EPB41L4A: variants seen among roughly 807,000 people sequenced by gnomAD.
EPB41L4A encodes the protein band 4.1-like protein 4A.
In EPB41L4A, 100 loss-of-function variants were observed where a neutral mutation model predicts 108.6. The observed-to-expected ratio is 0.92, with a 90% CI of 0.78 to 1.09. The LOEUF is 1.09. Among genes scored for constraint, EPB41L4A ranks in the 50% least tolerant of loss-of-function variants. The pLI, the probability that EPB41L4A is intolerant of heterozygous loss-of-function variation, is 0.00. For missense variants in EPB41L4A, 1,030 were observed against 842.7 expected, an observed-to-expected ratio of 1.22 and a Z score of -2.75; for synonymous variants, 319 against 289.0, an observed-to-expected ratio of 1.10 and a Z score of -1.05.
chr5:112,224,261 A>G lies in EPB41L4A; in HGVS notation c.1087+10373T>C, dbSNP rs527581202. Among the ~76,000 whole-genome samples, 36 of 152,218 alleles carry G rather than the reference A, an allele frequency of 2.4e-4. No homozygotes were observed. The South Asian group carries it at 7.1e-3, about 30-fold the overall frequency. On this transcript the variant is annotated intron_variant, in intron 12 of 22. Coordinates refer to ENST00000261486, the MANE Select transcript of EPB41L4A (RefSeq NM_022140.5). ...CACCGCATCCAGCCTGAGATGTTTT[A>G]AAGAATTGGCTAGAAGGTTTTTCCA...
chr5:112,204,326 A>G (rs1580426430), intron 15 of EPB41L4A, 49 bp downstream of exon 15: 1 of 1,310,212 alleles, frequency 7.6e-7, no homozygotes, highest in Non-Finnish European at 1.1e-6. Context: ...GGCCTGGGAC[A>G]AAATGCTTCT....
chr5:112,406,603 A>G lies in EPB41L4A; in HGVS notation c.99+12338T>C, dbSNP rs539940462. ...TGCTAAGGTCATAGGAACAGACCAG[A>G]GGCCTGAGATGGCTTAATTTAAGGG... On this transcript the variant is annotated intron_variant, in intron 1 of 22. Coordinates refer to ENST00000261486, the MANE Select transcript of EPB41L4A (RefSeq NM_022140.5). Among the ~76,000 whole-genome samples, 20 of 152,238 alleles carry G rather than the reference A, an allele frequency of 1.3e-4. No homozygotes were observed. In the South Asian group the frequency reaches 3.9e-3, roughly 30 times the overall value.
At chr5:112,271,079 G>C (rs530365480) in intron 4 of EPB41L4A, among the ~76,000 whole-genome samples, 12 of 152,268 alleles carry the variant, frequency 7.9e-5, no homozygotes, top group African/African-American at 2.6e-4. Flanking sequence ...GGTCACCACT[G>C]AAACTCCTTT....
intron 1 of EPB41L4A, among the ~76,000 whole-genome samples, chr5:112,338,090 C>T (rs1032395429): frequency 1.3e-5 from 2 of 152,128 alleles, no homozygotes; most frequent in Admixed American, 6.5e-5. Flanking sequence ...CTCCAAAATG[C>T]CATGTGTCAC....
Position 112,286,603 on chromosome 5 carries a change from G to A in EPB41L4A, c.205-6280C>T, listed in dbSNP as rs577486284. Among the ~76,000 whole-genome samples, 4 of 152,234 alleles carry A rather than the reference G, an allele frequency of 2.6e-5. No individual in the cohort carries two copies. In the East Asian group the frequency reaches 5.8e-4, roughly 22 times the overall value. On this transcript the variant is annotated intron_variant, in intron 2 of 22. Transcript: ENST00000261486. ...CCCGTCGACCAACCTGCTTGCATCTGAGCTTGTGTTCTGCCTTCTCTCCTG... is the reference window on the plus strand; with the variant it reads ...CCCGTCGACCAACCTGCTTGCATCTAAGCTTGTGTTCTGCCTTCTCTCCTG...
intron 18 of EPB41L4A, among the ~76,000 whole-genome samples, chr5:112,181,404 AC>A (rs1761146665): frequency 6.6e-6 from 1 of 152,016 alleles, no homozygotes; most frequent in Non-Finnish European, 1.5e-5. Flanking sequence ...GTGAGCCGAG[AC>A]TGGCCACTGC....
Position 112,362,052 on chromosome 5 carries a change from T to C in EPB41L4A, c.100-54562A>G, listed in dbSNP as rs77381237. 4.7e-3 allele frequency among the ~76,000 whole-genome samples: 720 copies of C among 152,304 alleles called. 1 individual carries two copies. The highest frequency in any genetic ancestry group is 6.8e-3 in the Non-Finnish European group (461 of 68,016). ...TACCAACCAAAGGGCTAGTCTACCA[T>C]TAGACAAAGGATCCCATTTTAAGTA... On this transcript the variant is annotated intron_variant, in intron 1 of 22. Coordinates refer to ENST00000261486, the MANE Select transcript of EPB41L4A (RefSeq NM_022140.5).
intron 1 of EPB41L4A, among the ~76,000 whole-genome samples, chr5:112,338,274 A>C (rs7720546): frequency 6.6e-6 from 1 of 151,990 alleles, no homozygotes. Flanking sequence ...TTCCCATAGC[A>C]GATCAGCTTC....
In EPB41L4A at chr5:112,204,437, G is replaced by A. The variant is rs985593685; in HGVS notation, c.1314C>T (p.Tyr438=). ...CACAGGAGGGGTTTCGGCGACGCGT[G>A]TAAGGGAACTTTGGCGACTTAGTGC... ...SDRTKSPKFP[Y]TRRRNPSCGS... is the part of the protein sequence containing the mutation. The change falls in exon 15 of 23, where the codon TAC becomes TAT. Residue 438 remains tyrosine, a synonymous_variant. Transcript: ENST00000261486. 1.9e-6 allele frequency: 3 copies of A among 1,614,016 alleles called. No individual in the cohort carries two copies. The highest frequency in any genetic ancestry group is 2.7e-5 in the African/African-American group (2 of 75,026).
At chr5:112,271,222 T>A (rs1037047727) in intron 4 of EPB41L4A, among the ~76,000 whole-genome samples, 1 of 152,192 alleles carries the variant, frequency 6.6e-6, no homozygotes, top group Non-Finnish European at 1.5e-5. Context: ...AATCAGCACC[T>A]ACAATAAGAA....
intron 1 of EPB41L4A, among the ~76,000 whole-genome samples, chr5:112,342,711 C>A (rs1024295659): frequency 6.6e-6 from 1 of 152,180 alleles, no homozygotes; most frequent in Non-Finnish European, 1.5e-5. Context: ...AAGGGGTGGA[C>A]TTCATAAGAG....
intron 1 of EPB41L4A, among the ~76,000 whole-genome samples, chr5:112,347,971 A>G (rs1458314675): frequency 2.0e-5 from 3 of 152,152 alleles, no homozygotes; most frequent in Non-Finnish European, 4.4e-5. Flanking sequence ...AAGGCTCCCT[A>G]CTGCTTACCA....
At chr5:112,392,906 C>T (rs1453345727) in intron 1 of EPB41L4A, 1 of 152,182 alleles carries the variant, frequency 6.6e-6, no homozygotes, top group South Asian at 2.1e-4. Flanking sequence ...GACAGCAGTG[C>T]AATCAAATTA....
chr5:112,161,637 G>A (rs1204796909), downstream of EPB41L4A: 1 of 518,882 alleles, frequency 1.9e-6, no homozygotes, highest in South Asian at 1.4e-5. Flanking sequence ...ACGTTTCCAC[G>A]CGTGATCTTG....
At chr5:112,280,671 G>T (rs1162236864) in intron 2 of EPB41L4A, among the ~76,000 whole-genome samples, 1 of 152,180 alleles carries the variant, frequency 6.6e-6, no homozygotes, top group African/African-American at 2.4e-5. Context: ...GAAAGATGAT[G>T]CTGACGTTGG....
At chr5:112,277,174 C>A (rs1681996466) in intron 3 of EPB41L4A, among the ~76,000 whole-genome samples, 2 of 152,154 alleles carry the variant, frequency 1.3e-5, no homozygotes, top group African/African-American at 4.8e-5. Context: ...TGCCCGCAGG[C>A]AGCTGGGGTT....
At chr5:112,355,297 A>C (rs749651770) in intron 1 of EPB41L4A, among the ~76,000 whole-genome samples, 15 of 152,254 alleles carry the variant, frequency 9.9e-5, no homozygotes, top group Admixed American at 3.3e-4. Context: ...AATGCAGTGC[A>C]TGCAGATCAA....
At chr5:112,213,144 A>G (rs547202715) in intron 12 of EPB41L4A, among the ~76,000 whole-genome samples, 1 of 152,300 alleles carries the variant, frequency 6.6e-6, no homozygotes, top group East Asian at 1.9e-4. Flanking sequence ...GCTCTTTGTC[A>G]CAAACACTCA....
At chr5:112,391,657 T>G (rs999158934) in intron 1 of EPB41L4A, among the ~76,000 whole-genome samples, 2 of 152,142 alleles carry the variant, frequency 1.3e-5, no homozygotes, top group African/African-American at 2.4e-5. Flanking sequence ...AAAACACTCT[T>G]CAGGATATTA....
Sources: gnomAD v4.1 joint callset for allele counts (sites outside exome capture counted in the v4.1 genomes callset) on GRCh38, gnomAD v4.1.1 for gene constraint, MANE v1.5 for transcripts, NCBI Gene and HGNC (gene_info 2026-07-23, HGNC 2026-07-21) for gene names.